Variants in ARMC6 observed in about 807,000 individuals in gnomAD.
The protein encoded by ARMC6 is armadillo repeat-containing protein 6.
A neutral mutation model predicts 49.2 loss-of-function variants in ARMC6; 43 were observed. The observed-to-expected ratio is 0.87, with a 90% CI of 0.69 to 1.13. The LOEUF is 1.13. Among genes scored for constraint, ARMC6 ranks in the 50% most tolerant of loss-of-function variants. ARMC6 has a pLI of 0.00. For synonymous variants in ARMC6, 262 were observed against 289.6 expected (o/e 0.90, Z 0.97); for missense variants, 627 against 682.0 (o/e 0.92, Z 0.90).
chr19:19,055,211 C>T lies in ARMC6; in HGVS notation c.1024-54C>T. On this transcript the variant is annotated intron_variant, in intron 6 of 8. Coordinates refer to ENST00000535612, the MANE Select transcript of ARMC6 (RefSeq NM_001199196.2). This position sits in a 1 kb window ranked among gnomAD's most constrained non-coding sequence, Gnocchi z 5.7. ...CAGCCCCACATTCTCCCTCAGAGCC[C>T]TCTCCCACAACCAGCGGCCTGGCTG... 1 of 1,528,232 alleles carries T rather than the reference C, an allele frequency of 6.5e-7. No individual in the cohort carries two copies. The highest frequency in any genetic ancestry group is 8.8e-7 in the Non-Finnish European group (1 of 1,138,388). The allele number at this position is 1,528,232 out of a possible 1,614,324, so 94.7% of individuals were successfully genotyped here.
At chr19:19,043,270 G>A (rs739828) in intron 3 of ARMC6, among the ~76,000 whole-genome samples, 1 of 152,196 alleles carries the variant, frequency 6.6e-6, no homozygotes, top group Non-Finnish European at 1.5e-5. Flanking sequence ...GTGTGGTTAT[G>A]AGGGGCTGTT....
At position 19,045,493 on chromosome 19, in the gene ARMC6, C is replaced by T. The variant is rs866645283; in HGVS notation, c.279+1419C>T. 5.3e-3 allele frequency among the ~76,000 whole-genome samples: 469 copies of T among 88,948 alleles called. 14 individuals carry two copies. The highest frequency in any genetic ancestry group is 6.2e-3 in the African/African-American group (129 of 20,858). The allele number at this position is 88,948 out of a possible 152,430, so 58.4% of individuals were successfully genotyped here. A position where few individuals can be genotyped will look rare whatever the true frequency, so the allele number is the denominator to read the frequency against. On this transcript the variant is annotated intron_variant, in intron 4 of 8. Coordinates refer to ENST00000535612, the MANE Select transcript of ARMC6 (RefSeq NM_001199196.2). ...TAAGTGCTCAGCATTATGCTAAATT[C>T]TTTTTTTTTTTGAGACAAGAGTCTC...
chr19:19,045,578 C>T (rs1489382920), intron 4 of ARMC6, among the ~76,000 whole-genome samples: 1 of 142,482 alleles, frequency 7.0e-6, no homozygotes, highest in African/African-American at 2.6e-5. Context: ...ACCTCTGCCT[C>T]TTGGGTTCAA....
chr19:19,056,733 C>G (rs2059548138), intron 8 of ARMC6, among the ~76,000 whole-genome samples: 2 of 152,270 alleles, frequency 1.3e-5, no homozygotes, highest in African/African-American at 4.8e-5. Context: ...ACCCAGACTC[C>G]TCCGTGCAGC....
intron 2 of ARMC6, among the ~76,000 whole-genome samples, chr19:19,034,814 C>G (rs564831277): frequency 6.6e-6 from 1 of 151,382 alleles, no homozygotes; most frequent in South Asian, 2.1e-4. Flanking sequence ...GATCTCCTGC[C>G]TCAGCCTCCT....
At chr19:19,044,193 G>A (rs923999661) in intron 4 of ARMC6, 119 bp downstream of exon 4, 5 of 1,041,568 alleles carry the variant, frequency 4.8e-6, no homozygotes, top group African/African-American at 3.1e-5. Context: ...CAGCATGCAT[G>A]GGCAAGCTTG....
At chr19:19,038,448 C>T (rs1394317363) in intron 2 of ARMC6, among the ~76,000 whole-genome samples, 5 of 152,184 alleles carry the variant, frequency 3.3e-5, no homozygotes, top group Non-Finnish European at 7.3e-5. Context: ...AGAGTTTTAT[C>T]TTACTTAACT....
chr19:19,044,756 A>G (rs1000386399), intron 4 of ARMC6, among the ~76,000 whole-genome samples: 1 of 152,200 alleles, frequency 6.6e-6, no homozygotes, highest in Non-Finnish European at 1.5e-5. Context: ...TCCCCATTGT[A>G]GAGATGGGGA....
At chr19:19,037,791 C>A in intron 2 of ARMC6, 3 of 716,070 alleles carry the variant, frequency 4.2e-6, no homozygotes, top group South Asian at 2.3e-5. Context: ...TCCTTTTGTT[C>A]CAAAGGGACG....
intron 4 of ARMC6, among the ~76,000 whole-genome samples, chr19:19,045,128 A>G (rs974635845): frequency 2.0e-5 from 3 of 152,114 alleles, no homozygotes; most frequent in Admixed American, 2.0e-4. Context: ...CTCCTGCCTC[A>G]GCCTCCCGAG....
At chr19:19,049,553 A>G (rs2059479662) in intron 4 of ARMC6, among the ~76,000 whole-genome samples, 1 of 152,182 alleles carries the variant, frequency 6.6e-6, no homozygotes, top group African/African-American at 2.4e-5. Flanking sequence ...CATTGTAACC[A>G]TTTTTAAATG....
rs752825835 is a variant in ARMC6 at position 19,054,304 on chromosome 19, G to T, written c.1006G>T (p.Asp336Tyr). ...LADCNDHQMR[D>Y]QSGVQELVKQ... ...CGACTGCAATGACCACCAGATGAGG[G>T]ACCAGAGCGGCGTTCAGGTATGAAG... The change falls in exon 6 of 9, where the codon GAC becomes TAC. Residue 336 changes from aspartate to tyrosine, a missense_variant. Transcript: ENST00000535612. 3.1e-6 allele frequency: 5 copies of T among 1,592,106 alleles called. No homozygotes were observed. The highest frequency in any genetic ancestry group is 4.3e-6 in the Non-Finnish European group (5 of 1,169,122).
intron 2 of ARMC6, among the ~76,000 whole-genome samples, chr19:19,036,789 A>G (rs762019500): frequency 6.6e-6 from 1 of 152,256 alleles, no homozygotes; most frequent in Non-Finnish European, 1.5e-5. Flanking sequence ...GAGCCTGTCC[A>G]TATCCTGTTC....
intron 4 of ARMC6, 92 bp downstream of exon 4, chr19:19,044,166 G>A: frequency 7.7e-7 from 1 of 1,295,458 alleles, no homozygotes; most frequent in African/African-American, 1.5e-5. Context: ...TACAGGCTCT[G>A]AAGGTCATGC....
intron 5 of ARMC6, 41 bp downstream of exon 5, chr19:19,052,236 G>A: frequency 6.5e-7 from 1 of 1,532,306 alleles, no homozygotes; most frequent in African/African-American, 1.4e-5. Flanking sequence ...AACAAAGTGG[G>A]CGGGTCAGAT....
Position 19,033,627 on chromosome 19 carries a change from G to A in ARMC6, c.-383G>A. ...CGCGGCCCGGCTCTCTTGCGCAAGCGCGCTGTCCGCTTCTTCTGGGCGGAC... is the reference window on the plus strand; with the variant it reads ...CGCGGCCCGGCTCTCTTGCGCAAGCACGCTGTCCGCTTCTTCTGGGCGGAC... On this transcript the variant is annotated 5_prime_UTR_variant, in exon 1 of 9. Transcript: ENST00000535612. 1 of 1,145,266 alleles carries A rather than the reference G, an allele frequency of 8.7e-7. No individual in the cohort carries two copies. The highest frequency in any genetic ancestry group is 1.1e-6 in the Non-Finnish European group (1 of 928,086). The allele number at this position is 1,145,266 out of a possible 1,614,324, so 70.9% of individuals were successfully genotyped here.
Position 19,051,771 on chromosome 19 carries a change from C to T in ARMC6, c.429C>T (p.Ala143=). ...GGGCCTACCCCATCATCTTCACTGC[C>T]TGGAAGCTGGCCACTGCAGGTGACC... ...QKGAYPIIFT[A]WKLATAGDQG... Residue 143 remains alanine, a synonymous_variant, in exon 5 of 9, where the codon GCC becomes GCT. Transcript: ENST00000535612. 1 of 1,614,088 alleles carries T rather than the reference C, an allele frequency of 6.2e-7. No homozygotes were observed. The highest frequency in any genetic ancestry group is 1.3e-5 in the African/African-American group (1 of 75,070).
intron 2 of ARMC6, among the ~76,000 whole-genome samples, chr19:19,041,776 A>C (rs939399138): frequency 2.6e-5 from 4 of 152,228 alleles, no homozygotes; most frequent in African/African-American, 9.6e-5. Context: ...TACTCACCTC[A>C]ATCAACAGTT....
rs1211876668 is a variant in ARMC6 at position 19,057,995 on chromosome 19, A to G, written c.*367A>G. The G allele has an allele frequency of 5.6e-6, 2 of 358,224 alleles. No homozygotes were observed. Among genetic ancestry groups the G allele is most frequent in the Non-Finnish European group, 1.1e-5 (2 of 186,706 alleles). 22.2% of individuals were successfully genotyped at this position (358,224 alleles called of 1,614,324 possible). The stretch of plus-strand genomic sequence containing the variant: ...GGCTCAGGGCAGGGCAGGCGATTCC[A>G]GTGGGGTTGGGCCCCCTGGCGCCTG... On this transcript the variant is annotated 3_prime_UTR_variant, in exon 9 of 9. Transcript: ENST00000535612.
Sources: allele counts gnomAD v4.1 joint callset (sites outside exome capture counted in the v4.1 genomes callset), GRCh38; gene constraint gnomAD v4.1.1; non-coding constraint Gnocchi (gnomAD v3.1); transcripts MANE v1.5; gene names NCBI Gene and HGNC (gene_info 2026-07-23, HGNC 2026-07-21).